Variants in GRM8 observed in about 807,000 individuals in gnomAD.
GRM8 encodes the protein metabotropic glutamate receptor 8.
Under a neutral mutation model 87.2 loss-of-function variants are expected in GRM8, and 47 were observed. The ratio of observed to expected loss-of-function variants is 0.54; its 90% CI spans 0.43 to 0.69. GRM8 has a LOEUF of 0.69. Among genes scored for constraint, GRM8 ranks in the 30% least tolerant of loss-of-function variants. GRM8 has a pLI of 0.00. For synonymous variants in GRM8, 396 were observed against 404.5 expected (o/e 0.98, Z 0.25); for missense variants, 1,019 against 1,139.2 (o/e 0.89, Z 1.52).
intron 7 of GRM8, among the ~76,000 whole-genome samples, chr7:126,690,530 C>T (rs1808689641): frequency 6.6e-6 from 1 of 152,184 alleles, no homozygotes; most frequent in South Asian, 2.1e-4. Context: ...ACATCCCTGG[C>T]TCAGGGAGTT....
At chr7:126,929,954 T>C (rs1044497199) in intron 3 of GRM8, among the ~76,000 whole-genome samples, 1 of 150,558 alleles carries the variant, frequency 6.6e-6, no homozygotes, top group Non-Finnish European at 1.5e-5. Flanking sequence ...AATATTTGTA[T>C]TGGTCTTTGC....
At chr7:126,769,209 C>T (rs1266147081) in intron 7 of GRM8, among the ~76,000 whole-genome samples, 1 of 152,084 alleles carries the variant, frequency 6.6e-6, no homozygotes, top group African/African-American at 2.4e-5. Context: ...TCAATAATTC[C>T]ATCACTTCAG....
chr7:127,135,156 C>T (rs1051247202), intron 2 of GRM8, among the ~76,000 whole-genome samples: 2 of 151,596 alleles, frequency 1.3e-5, no homozygotes, highest in Non-Finnish European at 2.9e-5. Context: ...ATCATCCATT[C>T]AAAAAGGAAG....
intron 7 of GRM8, among the ~76,000 whole-genome samples, chr7:126,750,330 C>A (rs926660389): frequency 4.6e-5 from 7 of 152,044 alleles, no homozygotes; most frequent in Non-Finnish European, 1.0e-4. Context: ...GGACATGACA[C>A]TGCAGAGAGA....
intron 3 of GRM8, among the ~76,000 whole-genome samples, chr7:127,065,717 T>C (rs1821040244): frequency 6.6e-6 from 1 of 152,152 alleles, no homozygotes; most frequent in African/African-American, 2.4e-5. Context: ...CCAAGTGGAA[T>C]TCTCATTCTT....
chr7:126,992,750 T>TA (rs1458076861), intron 3 of GRM8, among the ~76,000 whole-genome samples: 1 of 152,008 alleles, frequency 6.6e-6, no homozygotes, highest in African/African-American at 2.4e-5. Context: ...TGGGCCCTCA[T>TA]AATTAATTAG....
chr7:126,886,508 T>C (rs1215472179), intron 6 of GRM8, among the ~76,000 whole-genome samples: 4 of 152,042 alleles, frequency 2.6e-5, no homozygotes, highest in East Asian at 3.9e-4. Context: ...ATCAGTGATG[T>C]CAACAGTGAT....
At chr7:126,851,226 C>T (rs776190191) in intron 6 of GRM8, among the ~76,000 whole-genome samples, 14 of 152,112 alleles carry the variant, frequency 9.2e-5, no homozygotes, top group African/African-American at 1.9e-4. Flanking sequence ...GCTGCACTTA[C>T]GAAATGTACC....
chr7:127,239,238 G>A (rs1429504164), intron 2 of GRM8, among the ~76,000 whole-genome samples: 1 of 152,134 alleles, frequency 6.6e-6, no homozygotes, highest in African/African-American at 2.4e-5. Context: ...TCCAAATTTG[G>A]CCCAAATATT....
At chr7:127,170,685 T>A (rs548198620) in intron 2 of GRM8, among the ~76,000 whole-genome samples, 1 of 152,190 alleles carries the variant, frequency 6.6e-6, no homozygotes, top group Non-Finnish European at 1.5e-5. Flanking sequence ...ATAATGGCAT[T>A]TGGACCAACC....
chr7:126,803,812 T>C (rs976221612), intron 6 of GRM8, among the ~76,000 whole-genome samples: 1 of 152,242 alleles, frequency 6.6e-6, no homozygotes, highest in Non-Finnish European at 1.5e-5. Flanking sequence ...TAAACCTAAC[T>C]GTCTTGCTCT....
At chr7:126,601,772 T>C (rs1311604234) in intron 8 of GRM8, among the ~76,000 whole-genome samples, 10 of 145,380 alleles carry the variant, frequency 6.9e-5, no homozygotes, top group African/African-American at 2.6e-4. Flanking sequence ...CACTTTTTGA[T>C]GGGGTTGTTT....
At chr7:126,865,204 T>A (rs913911950) in intron 6 of GRM8, among the ~76,000 whole-genome samples, 7 of 152,236 alleles carry the variant, frequency 4.6e-5, no homozygotes, top group African/African-American at 1.7e-4. Context: ...TCTTTGTTTA[T>A]AAAACTTGGT....
chr7:126,847,785 G>A (rs979015545), intron 6 of GRM8, among the ~76,000 whole-genome samples: 1 of 152,162 alleles, frequency 6.6e-6, no homozygotes, highest in South Asian at 2.1e-4. Context: ...GATTCAAGGG[G>A]AGAGAATATG....
rs1827897600 is a variant in GRM8 at position 127,135,475 on chromosome 7, C to T, written c.511-28763G>A. Among the ~76,000 whole-genome samples the T allele has an allele frequency of 2.6e-5, 4 of 151,940 alleles. No homozygotes were observed. The South Asian group carries it at 8.3e-4, about 31-fold the overall frequency. ...ATTCCAACTGATCTTTCCCCACCTT[C>T]CCTCCAGATTTAACATTGTTCTGTA... On this transcript the variant is annotated intron_variant, in intron 2 of 10. Coordinates refer to ENST00000339582, the MANE Select transcript of GRM8 (RefSeq NM_000845.3).
At chr7:126,876,778 G>A (rs1048667301) in intron 6 of GRM8, among the ~76,000 whole-genome samples, 1 of 152,000 alleles carries the variant, frequency 6.6e-6, no homozygotes, top group African/African-American at 2.4e-5. Flanking sequence ...TCGTAGAATT[G>A]CTTCAAAATT....
chr7:126,510,245 C>T lies in GRM8; in HGVS notation c.2430+22707G>A, dbSNP rs141366345. Among the ~76,000 whole-genome samples, 36 of 149,794 alleles carry T rather than the reference C, an allele frequency of 2.4e-4. No individual in the cohort carries two copies. The East Asian group carries it at 7.1e-3, about 30-fold the overall frequency. ...AAAAGTATACAAATGACACTGGACACTATCCATGGCTCAGCAGAAGTACAC... is the reference window on the plus strand; with the variant it reads ...AAAAGTATACAAATGACACTGGACATTATCCATGGCTCAGCAGAAGTACAC... On this transcript the variant is annotated intron_variant, in intron 9 of 10. Coordinates refer to ENST00000339582, the MANE Select transcript of GRM8 (RefSeq NM_000845.3).
intron 1 of GRM8, chr7:127,251,098 C>G (rs1161516218): frequency 6.6e-6 from 1 of 152,236 alleles, no homozygotes; most frequent in Non-Finnish European, 1.5e-5. Context: ...AAGGCACTCC[C>G]TCCCGGGGTG....
chr7:127,015,232 GAAGAAGAAGAAGAAGAAGAAGAAGAAGAA>G, intron 3 of GRM8, among the ~76,000 whole-genome samples: 1 of 132,954 alleles, frequency 7.5e-6, no homozygotes, highest in Non-Finnish European at 1.6e-5. Context: ...AGAAGAAGAA[GAAGAAGAAGAAGAAGAAGAAGAAGAAGAA>G]AAGAGAGAGA....
Sources: allele counts gnomAD v4.1 joint callset (sites outside exome capture counted in the v4.1 genomes callset), GRCh38; gene constraint gnomAD v4.1.1; transcripts MANE v1.5; gene names NCBI Gene and HGNC (gene_info 2026-07-23, HGNC 2026-07-21).